The following RALYL variants were observed in gnomAD, a reference collection of about 807,000 sequenced individuals.
The protein encoded by RALYL is RNA-binding Raly-like protein.
RALYL carries 29 observed loss-of-function variants against 35.1 expected under a neutral mutation model. The ratio of observed to expected loss-of-function variants is 0.83; its 90% CI spans 0.61 to 1.13. RALYL has a LOEUF of 1.13. Ranked by LOEUF, RALYL falls within the 50% of genes most tolerant of loss-of-function variation. RALYL has a pLI of 0.00. For synonymous variants in RALYL, 120 were observed against 127.6 expected (o/e 0.94, Z 0.40); for missense variants, 359 against 360.4 (o/e 1.00, Z 0.03).
At chr8:84,463,745 T>C (rs2051109966) in intron 1 of RALYL, among the ~76,000 whole-genome samples, 1 of 152,074 alleles carries the variant, frequency 6.6e-6, no homozygotes, top group Non-Finnish European at 1.5e-5. Flanking sequence ...AAAATAATTC[T>C]AACTAAGGTT....
At chr8:84,205,533 T>G (rs1817859546) in intron 1 of RALYL, among the ~76,000 whole-genome samples, 1 of 152,200 alleles carries the variant, frequency 6.6e-6, no homozygotes, top group Non-Finnish European at 1.5e-5. Context: ...TGTAGCTATT[T>G]TACTCGGAAG....
chr8:84,865,101 C>T (rs1179235299), intron 6 of RALYL, among the ~76,000 whole-genome samples: 1 of 152,120 alleles, frequency 6.6e-6, no homozygotes, highest in Non-Finnish European at 1.5e-5. Flanking sequence ...TGGCAGATTA[C>T]ATTATGTATA....
chr8:84,784,361 T>G (rs533613690), intron 3 of RALYL, among the ~76,000 whole-genome samples: 46 of 151,710 alleles, frequency 3.0e-4, no homozygotes, highest in Middle Eastern at 3.4e-3. Context: ...TGGACGTGAT[T>G]AATGAGAAAC....
intron 2 of RALYL, among the ~76,000 whole-genome samples, chr8:84,747,440 G>A (rs1461106242): frequency 2.6e-5 from 4 of 151,770 alleles, no homozygotes; most frequent in African/African-American, 9.7e-5. Flanking sequence ...AATTTTAAGA[G>A]ATTGAATTTC....
intron 1 of RALYL, among the ~76,000 whole-genome samples, chr8:84,367,138 T>A (rs1177387623): frequency 6.8e-6 from 1 of 148,140 alleles, no homozygotes; most frequent in Non-Finnish European, 1.5e-5. Context: ...TTTTCTTTTT[T>A]CTTTTTTTTT....
At chr8:84,291,182 G>A (rs541035920) in intron 1 of RALYL, among the ~76,000 whole-genome samples, 7 of 152,248 alleles carry the variant, frequency 4.6e-5, no homozygotes, top group South Asian at 4.1e-4. Flanking sequence ...AAAAGAGGAC[G>A]GTGAGACTAA....
chr8:84,391,317 C>A (rs1033957346), intron 1 of RALYL, among the ~76,000 whole-genome samples: 1 of 151,946 alleles, frequency 6.6e-6, no homozygotes, highest in African/African-American at 2.4e-5. Flanking sequence ...GTTAACTATT[C>A]TCAATATTTA....
intron 1 of RALYL, among the ~76,000 whole-genome samples, chr8:84,193,055 A>T (rs995469483): frequency 6.6e-6 from 1 of 152,130 alleles, no homozygotes; most frequent in Non-Finnish European, 1.5e-5. Flanking sequence ...TGAATAGTCT[A>T]TTAGTTGCCA....
rs57901276 is a variant in RALYL at position 84,342,277 on chromosome 8, A to AATATATAT, written c.-24+157865_-24+157872dup. Among the ~76,000 whole-genome samples, 112 of 66,124 alleles carry AATATATAT rather than the reference A, an allele frequency of 1.7e-3. 18 individuals are homozygous for AATATATAT. The highest frequency in any genetic ancestry group is 7.3e-3 in the Admixed American group (48 of 6,610). 43.4% of individuals were successfully genotyped at this position (66,124 alleles called of 152,430 possible). A position where few individuals can be genotyped will look rare whatever the true frequency, so the allele number is the denominator to read the frequency against. On this transcript the variant is annotated intron_variant, in intron 1 of 8. Coordinates refer to ENST00000521268, the MANE Select transcript of RALYL (RefSeq NM_173848.7). ...TGAGTGAGGGTACAGAGCATCGTTC[A>AATATATAT]ATATATATATATATATATAAAACTC...
At chr8:84,727,360 C>T (rs73298145) in intron 2 of RALYL, among the ~76,000 whole-genome samples, 3,248 of 152,132 alleles carry the variant, frequency 0.021, 131 homozygotes, top group African/African-American at 0.074. Flanking sequence ...AGGTATGCAA[C>T]GATTTCCCCC....
At chr8:84,435,447 T>C (rs1157939910) in intron 1 of RALYL, among the ~76,000 whole-genome samples, 1 of 152,026 alleles carries the variant, frequency 6.6e-6, no homozygotes, top group African/African-American at 2.4e-5. Flanking sequence ...AAAACAACAC[T>C]AAATAATTAG....
intron 2 of RALYL, among the ~76,000 whole-genome samples, chr8:84,761,489 A>G (rs1392450993): frequency 6.6e-6 from 1 of 152,100 alleles, no homozygotes; most frequent in African/African-American, 2.4e-5. Context: ...TAATTACATT[A>G]TCCAATGAAT....
intron 5 of RALYL, among the ~76,000 whole-genome samples, chr8:84,851,495 G>T (rs1230001455): frequency 2.0e-5 from 3 of 152,114 alleles, no homozygotes; most frequent in African/African-American, 4.8e-5. Flanking sequence ...ATTAAAAAAT[G>T]AGGTAAATAT....
intron 1 of RALYL, among the ~76,000 whole-genome samples, chr8:84,432,606 T>C (rs769622443): frequency 5.4e-4 from 82 of 152,248 alleles, no homozygotes; most frequent in Middle Eastern, 3.4e-3. Context: ...CCTCAGAATG[T>C]GACCTTATTT....
intron 1 of RALYL, among the ~76,000 whole-genome samples, chr8:84,379,157 G>A (rs1857466894): frequency 6.6e-6 from 1 of 151,918 alleles, no homozygotes; most frequent in South Asian, 2.1e-4. Context: ...AGTTCAAATT[G>A]TCTCCAAGGG....
At chr8:84,469,846 C>T (rs1456745980) in intron 1 of RALYL, among the ~76,000 whole-genome samples, 1 of 152,126 alleles carries the variant, frequency 6.6e-6, no homozygotes, top group Non-Finnish European at 1.5e-5. Flanking sequence ...TCGTGGTGCG[C>T]TGTTTTTTAA....
At chr8:84,521,215 C>G (rs181534205) in intron 1 of RALYL, among the ~76,000 whole-genome samples, 1 of 152,176 alleles carries the variant, frequency 6.6e-6, no homozygotes, top group Non-Finnish European at 1.5e-5. Context: ...AGCTCTTTCT[C>G]TCTTACATGT....
intron 1 of RALYL, among the ~76,000 whole-genome samples, chr8:84,289,701 T>G (rs1432761691): frequency 6.6e-6 from 1 of 152,188 alleles, no homozygotes; most frequent in Admixed American, 6.5e-5. Context: ...CCAGTGAAAT[T>G]AAACTTTAAA....
At chr8:84,915,713 T>G (rs1232979138) in intron 8 of RALYL, among the ~76,000 whole-genome samples, 3 of 152,140 alleles carry the variant, frequency 2.0e-5, no homozygotes, top group Admixed American at 1.3e-4. Flanking sequence ...TGAACCACTC[T>G]GATTCTCTGA....
Sources: allele counts gnomAD v4.1 joint callset (sites outside exome capture counted in the v4.1 genomes callset), GRCh38; gene constraint gnomAD v4.1.1; transcripts MANE v1.5; gene names NCBI Gene and HGNC (gene_info 2026-07-23, HGNC 2026-07-21).